LEPR: variants seen among roughly 807,000 people sequenced by gnomAD.
The protein encoded by LEPR is OB receptor.
A neutral mutation model predicts 114.7 loss-of-function variants in LEPR; 56 were observed. The observed-to-expected ratio is 0.49, with a 90% CI of 0.39 to 0.61. The LOEUF is 0.61. LEPR is among the 20% of genes least tolerant of loss of function. LEPR has a pLI of 0.00. For missense variants in LEPR, 1,202 were observed against 1,352.9 expected, an observed-to-expected ratio of 0.89 and a Z score of 1.75; for synonymous variants, 443 against 461.4, an observed-to-expected ratio of 0.96 and a Z score of 0.51.
At chr1:65,434,964 C>T (rs1166754432) in intron 2 of LEPR, 7 of 985,390 alleles carry the variant, frequency 7.1e-6, no homozygotes, top group African/African-American at 1.7e-5. Flanking sequence ...CCTTTTGACA[C>T]CTGCATTGGG....
At chr1:65,537,980 T>C (rs539051291) in intron 2 of LEPR, among the ~76,000 whole-genome samples, 1 of 152,172 alleles carries the variant, frequency 6.6e-6, no homozygotes, top group Non-Finnish European at 1.5e-5. Context: ...ATGGATTATT[T>C]AATTCTAGCA....
intron 2 of LEPR, among the ~76,000 whole-genome samples, chr1:65,546,650 A>G (rs943827018): frequency 6.6e-6 from 1 of 152,178 alleles, no homozygotes; most frequent in African/African-American, 2.4e-5. Flanking sequence ...ATTTTTGTAC[A>G]TTGATTTTGT....
At chr1:65,476,370 T>G (rs1647159937) in intron 2 of LEPR, among the ~76,000 whole-genome samples, 1 of 152,042 alleles carries the variant, frequency 6.6e-6, no homozygotes, top group African/African-American at 2.4e-5. Context: ...CAGCTCTTTT[T>G]GTGTAACGTG....
At chr1:65,537,019 A>G (rs1423200494) in intron 2 of LEPR, among the ~76,000 whole-genome samples, 3 of 152,206 alleles carry the variant, frequency 2.0e-5, no homozygotes, top group Admixed American at 6.5e-5. Context: ...GTATGCAATC[A>G]ATAACAACCA....
intron 2 of LEPR, among the ~76,000 whole-genome samples, chr1:65,492,323 G>A (rs12408851): frequency 0.57 from 86,211 of 151,838 alleles, 25,245 homozygotes; most frequent in Middle Eastern, 0.7. Flanking sequence ...TTTCATTACC[G>A]TTGTCATTAT....
intron 4 of LEPR, 119 bp from the exon 5 acceptor site, chr1:65,572,207 G>A (rs1381240701): frequency 3.1e-6 from 4 of 1,290,298 alleles, no homozygotes; most frequent in East Asian, 5.2e-5. Flanking sequence ...GGCAATGGAA[G>A]TTGTATCAGA....
At chr1:65,435,398 C>T (rs528551367) in intron 2 of LEPR, 41 of 845,712 alleles carry the variant, frequency 4.8e-5, no homozygotes, top group Middle Eastern at 6.4e-4. Flanking sequence ...GGCAGAGTCT[C>T]GCTCTGTTGC....
intron 2 of LEPR, among the ~76,000 whole-genome samples, chr1:65,441,815 A>T (rs896059272): frequency 3.3e-5 from 5 of 152,198 alleles, no homozygotes; most frequent in African/African-American, 1.2e-4. Flanking sequence ...TGACAGCCTA[A>T]GAATTTTTGA....
In LEPR at chr1:65,426,700, A is replaced by G. The variant is rs1400138776; in HGVS notation, c.-21+1322A>G. ...AGGTGATTGGCTTGAACAACTAGAT[A>G]GAAGATGATGTGATTAGGCCAGGCA... On this transcript the variant is annotated intron_variant, in intron 2 of 19. Coordinates refer to ENST00000349533, the MANE Select transcript of LEPR (RefSeq NM_002303.6). Among the ~76,000 whole-genome samples, 7 of 152,176 alleles carry G rather than the reference A, an allele frequency of 4.6e-5. No homozygotes were observed. The South Asian group carries it at 1.5e-3, about 32-fold the overall frequency.
rs377348673 is a variant in LEPR at position 65,616,157 on chromosome 1, G to A, written c.2145G>A (p.Leu715=). ...WTEQAHTVTV[L]AINSIGASVA... ...AGCAAGCACATACTGTTACGGTTCT[G>A]GCCATCAATTCAATTGGTGCTTCTG... Residue 715 remains leucine (L), a synonymous_variant, in exon 15 of 20, where the codon CTG becomes CTA. Coordinates refer to ENST00000349533, the MANE Select transcript of LEPR (RefSeq NM_002303.6). 162 of 1,613,978 alleles carry A rather than the reference G, an allele frequency of 1.0e-4. No individual in the cohort carries two copies. Among genetic ancestry groups the A allele is most frequent in the Non-Finnish European group, 7.2e-5 (85 of 1,179,998 alleles).
chr1:65,576,293 C>T (rs1032686295), intron 5 of LEPR: 7 of 153,224 alleles, frequency 4.6e-5, no homozygotes, highest in Admixed American at 1.3e-4. Context: ...TGGCACTCCA[C>T]GAGTTGTGGT....
rs905316598 is a variant in LEPR at position 65,621,437 on chromosome 1, C to T, written c.2576C>T (p.Thr859Ile). 6.2e-7 allele frequency: 1 copy of T among 1,612,710 alleles called. No homozygotes were observed. The highest frequency in any genetic ancestry group is 8.5e-7 in the Non-Finnish European group (1 of 1,179,182). ...TCCTCTTCCATCTTATTGCTTGGAACATTATTAATATCACACCAAAGGTAT... is the reference window on the plus strand; with the variant it reads ...TCCTCTTCCATCTTATTGCTTGGAATATTATTAATATCACACCAAAGGTAT... ...IISSSILLLGTLLISHQRMKK... is the reference protein window; with the variant it reads ...IISSSILLLGILLISHQRMKK... The change falls in exon 18 of 20, where the codon ACA (threonine) becomes ATA (isoleucine). Residue 859 changes from threonine to isoleucine, a missense_variant. Thr to Ile is a moderately conservative substitution (Grantham distance 89). Transcript: ENST00000349533.
intron 2 of LEPR, among the ~76,000 whole-genome samples, chr1:65,524,462 A>G (rs1056363111): frequency 2.0e-5 from 3 of 152,224 alleles, no homozygotes. Flanking sequence ...CAAAAAAGTG[A>G]CACTCGTTCT....
chr1:65,525,891 T>G, intron 2 of LEPR: 1 of 960,046 alleles, frequency 1.0e-6, no homozygotes, highest in Non-Finnish European at 1.2e-6. Flanking sequence ...AGAATGGGGC[T>G]TTGGGACGCG....
At chr1:65,609,888 G>A (rs1175259466) in intron 12 of LEPR, 59 bp from the exon 13 acceptor site, 9 of 1,609,058 alleles carry the variant, frequency 5.6e-6, no homozygotes, top group South Asian at 1.1e-5. Context: ...GTACTTCAGG[G>A]CCCTTTAGAT....
intron 2 of LEPR, among the ~76,000 whole-genome samples, chr1:65,445,784 T>C (rs1646706723): frequency 6.6e-6 from 1 of 151,486 alleles, no homozygotes; most frequent in South Asian, 2.1e-4. Flanking sequence ...TCAACTAATA[T>C]AGAAGACTTA....
rs546245237 is a variant in LEPR at position 65,549,235 on chromosome 1, C to T, written c.-20-16311C>T. ...AACCCGACCTTTCTCTCTGGCTGCC[C>T]TTAACATTTTTTCCTTCATTTCAAC... On this transcript the variant is annotated intron_variant, in intron 2 of 19. Coordinates refer to ENST00000349533, the MANE Select transcript of LEPR (RefSeq NM_002303.6). Among the ~76,000 whole-genome samples the T allele has an allele frequency of 9.0e-4, 137 of 151,586 alleles. 1 individual carries two copies. The highest frequency in any genetic ancestry group is 6.4e-3 in the East Asian group (33 of 5,176).
chr1:65,626,409 T>C (rs1224631600), intron 19 of LEPR: 2 of 714,776 alleles, frequency 2.8e-6, no homozygotes. Context: ...GACTTTCTAA[T>C]CTTATAAATT....
At chr1:65,630,092 T>C (rs1658440413) in intron 19 of LEPR, 1 of 159,482 alleles carries the variant, frequency 6.3e-6, no homozygotes, top group African/African-American at 2.4e-5. Context: ...CAAGAGAACA[T>C]TGAGATAATT....
Sources: allele counts gnomAD v4.1 joint callset (sites outside exome capture counted in the v4.1 genomes callset), GRCh38; gene constraint gnomAD v4.1.1; transcripts MANE v1.5; gene names NCBI Gene and HGNC (gene_info 2026-07-23, HGNC 2026-07-21).